Variants in GPM6B observed in about 807,000 individuals in gnomAD.
GPM6B encodes the protein glycoprotein M6B.
A neutral mutation model predicts 27.2 loss-of-function variants in GPM6B; 4 were observed. The observed-to-expected ratio is 0.15, with a 90% CI of 0.07 to 0.34. The LOEUF is 0.34. GPM6B is among the 10% of genes least tolerant of loss of function. The pLI, the probability that GPM6B is intolerant of heterozygous loss-of-function variation, is 1.00. For synonymous variants in GPM6B, 124 were observed against 103.1 expected (o/e 1.20, Z -1.23); for missense variants, 183 against 261.9 (o/e 0.70, Z 2.08).
chrX:13,813,192 C>T (rs189351435), intron 1 of GPM6B, among the ~76,000 whole-genome samples: 33 of 110,657 alleles, frequency 3.0e-4, no homozygotes, highest in Non-Finnish European at 5.5e-4. Context: ...GGTTTTTAAT[C>T]ACACAAGTCG....
At chrX:13,937,903 T>G (rs1190383564) in intron 1 of GPM6B, among the ~76,000 whole-genome samples, 1 of 111,167 alleles carries the variant, frequency 9.0e-6, no homozygotes, top group African/African-American at 3.3e-5. Flanking sequence ...TTTTAATAGT[T>G]GGAACAAGGG....
At chrX:13,818,339 C>T (rs910255647), upstream of GPM6B, among the ~76,000 whole-genome samples, 167 of 111,443 alleles carry the variant, frequency 1.5e-3, no homozygotes, top group African/African-American at 5.3e-3. Context: ...AAGTTGGAGA[C>T]CACCCTCTCC....
intron 1 of GPM6B, among the ~76,000 whole-genome samples, chrX:13,849,375 C>T (rs764461655): frequency 3.3e-4 from 37 of 112,662 alleles, no homozygotes; most frequent in African/African-American, 1.2e-3. Context: ...CCTGTCCCAT[C>T]CATTTTGACA....
chrX:13,884,103 G>A (rs2050111559), intron 1 of GPM6B, among the ~76,000 whole-genome samples: 2 of 109,329 alleles, frequency 1.8e-5, no homozygotes, highest in South Asian at 3.9e-4. Flanking sequence ...GCTTGAACCC[G>A]GGAGGCAGAG....
chrX:13,860,438 G>GTTTTTT (rs34401183), intron 1 of GPM6B, among the ~76,000 whole-genome samples: 2 of 86,319 alleles, frequency 2.3e-5, no homozygotes, highest in African/African-American at 4.3e-5. Context: ...AAAACGTGGG[G>GTTTTTT]TTTTTTTTTT....
chrX:13,861,005 TACACACACACACAC>T (rs55808485), intron 1 of GPM6B, among the ~76,000 whole-genome samples: 182 of 79,387 alleles, frequency 2.3e-3, no homozygotes, highest in Middle Eastern at 6.0e-3. Flanking sequence ...TGAATGTGCA[TACACACACACACAC>T]ACACACACAC....
chrX:13,849,445 A>G (rs746279821), intron 1 of GPM6B, among the ~76,000 whole-genome samples: 1 of 112,575 alleles, frequency 8.9e-6, no homozygotes, highest in African/African-American at 3.2e-5. Context: ...AGTCATTGCC[A>G]TTGCCTGGAG....
intron 1 of GPM6B, among the ~76,000 whole-genome samples, chrX:13,836,861 A>G (rs1487045859): frequency 5.3e-5 from 6 of 112,759 alleles, no homozygotes; most frequent in Non-Finnish European, 9.4e-5. Flanking sequence ...TTCTTCAGTT[A>G]TAAAATTCAT....
chrX:13,825,037 G>T (rs750809547), intron 1 of GPM6B, among the ~76,000 whole-genome samples: 2 of 111,754 alleles, frequency 1.8e-5, no homozygotes, highest in Non-Finnish European at 3.8e-5. Flanking sequence ...CTCTGTGTGT[G>T]TATGTCTGTG....
At chrX:13,867,348 G>A (rs1051738733) in intron 1 of GPM6B, among the ~76,000 whole-genome samples, 5 of 111,776 alleles carry the variant, frequency 4.5e-5, no homozygotes, top group Non-Finnish European at 7.5e-5. Flanking sequence ...GGGCTCAAGC[G>A]ATCCACCCAC....
At chrX:13,885,179 A>G (rs1331832206) in intron 1 of GPM6B, among the ~76,000 whole-genome samples, 2 of 112,103 alleles carry the variant, frequency 1.8e-5, no homozygotes, top group African/African-American at 6.5e-5. Context: ...CATAAGTAAA[A>G]TTATCAAGTA....
At chrX:13,844,858 A>AGG (rs1328057477) in intron 1 of GPM6B, among the ~76,000 whole-genome samples, 1 of 112,413 alleles carries the variant, frequency 8.9e-6, no homozygotes, top group Non-Finnish European at 1.9e-5. Context: ...AGAAAACAGA[A>AGG]AAGACAATTC....
intron 1 of GPM6B, among the ~76,000 whole-genome samples, chrX:13,929,820 G>C (rs146083857): frequency 0.016 from 1,796 of 111,893 alleles, 31 homozygotes; most frequent in African/African-American, 0.054. Context: ...CAATAGTGCT[G>C]AGGTTGAGAA....
chrX:13,937,379 C>A lies in GPM6B; in HGVS notation c.-198+948G>T, dbSNP rs149876481. Among the ~76,000 whole-genome samples the A allele has an allele frequency of 4.7e-4, 53 of 111,750 alleles. 1 individual carries two copies. The East Asian group carries it at 0.01, about 22-fold the overall frequency. ...TCCGTACAAAATTATCGCCCCCCCACACACAATTAATAGCAAAGATAATGT... is the reference window on the plus strand; with the variant it reads ...TCCGTACAAAATTATCGCCCCCCCAAACACAATTAATAGCAAAGATAATGT... On this transcript the variant is annotated intron_variant, in intron 1 of 6. Transcript: ENST00000398361.
At chrX:13,792,817 T>C (rs1372551894) in intron 2 of GPM6B, among the ~76,000 whole-genome samples, 1 of 108,382 alleles carries the variant, frequency 9.2e-6, no homozygotes. Flanking sequence ...GGAGAATCGC[T>C]TGAACCAGGG....
At chrX:13,912,154 A>C (rs908052385) in intron 1 of GPM6B, among the ~76,000 whole-genome samples, 3 of 112,393 alleles carry the variant, frequency 2.7e-5, no homozygotes, top group African/African-American at 9.7e-5. Context: ...TACCAAATCT[A>C]TAGTGAATAG....
chrX:13,895,034 C>A (rs1274938264), intron 1 of GPM6B, among the ~76,000 whole-genome samples: 1 of 111,781 alleles, frequency 8.9e-6, no homozygotes, highest in East Asian at 2.8e-4. Flanking sequence ...TCATTCCTTG[C>A]CAAGTGAATA....
rs199929355 is a variant in GPM6B at position 13,785,771 on chromosome X, G to A, written c.219C>T (p.Val73=). The A allele has an allele frequency of 8.3e-7, 1 of 1,208,971 alleles. No individual in the cohort carries two copies. Among genetic ancestry groups the A allele is most frequent in the East Asian group, 3.0e-5 (1 of 33,757 alleles). Residue 73 remains valine, a synonymous_variant, in exon 3 of 8, where the codon GTC becomes GTT. Transcript: ENST00000316715. ...TGGTGGCCACCAGGGAGGCGTAGGG[G>A]ACTCCTCCCAGACACTTGATGCAGC... is the stretch of plus-strand genomic sequence containing the variant. ...FECCIKCLGG[V]PYASLVATIL...
chrX:13,935,094 A>T (rs189670594), intron 1 of GPM6B, among the ~76,000 whole-genome samples: 196 of 112,193 alleles, frequency 1.7e-3, no homozygotes, highest in African/African-American at 6.1e-3. Context: ...GAAATTATTG[A>T]CATTTAAATA....
Sources: gnomAD v4.1 joint callset for allele counts (sites outside exome capture counted in the v4.1 genomes callset) on GRCh38, gnomAD v4.1.1 for gene constraint, MANE v1.5 for transcripts, NCBI Gene and HGNC (gene_info 2026-07-23, HGNC 2026-07-21) for gene names.